PDE3A: variants seen among roughly 807,000 people sequenced by gnomAD.
PDE3A encodes phosphodiesterase 3A, also known as cGMP-inhibited 3',5'-cyclic phosphodiesterase 3A.
Under a neutral mutation model 98.3 loss-of-function variants are expected in PDE3A, and 43 were observed. The ratio of observed to expected loss-of-function variants is 0.44; its 90% CI spans 0.34 to 0.56. The LOEUF (loss-of-function observed/expected upper bound fraction) is 0.56. PDE3A is among the 20% of genes least tolerant of loss of function. The probability of loss-of-function intolerance (pLI) is 0.01; values close to 1 mark genes in which losing one functional copy is unlikely to be tolerated. For missense variants in PDE3A, 1,427 were observed against 1,440.7 expected (o/e 0.99, Z 0.15); for synonymous variants, 663 against 567.9 (o/e 1.17, Z -2.38).
intron 2 of PDE3A, among the ~76,000 whole-genome samples, chr12:20,612,182 AT>A (rs1408549454): frequency 4.0e-5 from 6 of 151,860 alleles, no homozygotes; most frequent in African/African-American, 1.4e-4. Flanking sequence ...TGTTTTGCCA[AT>A]TTTGTAAATG....
At chr12:20,510,415 T>C (rs959039795) in intron 1 of PDE3A, among the ~76,000 whole-genome samples, 2 of 151,896 alleles carry the variant, frequency 1.3e-5, no homozygotes, top group African/African-American at 4.8e-5. Flanking sequence ...GATAGTACAG[T>C]AGAGAAATGG....
chr12:20,626,074 C>T (rs78587465), intron 5 of PDE3A, among the ~76,000 whole-genome samples: 2,114 of 151,778 alleles, frequency 0.014, 74 homozygotes, highest in African/African-American at 0.048. Flanking sequence ...ATGAGATTTT[C>T]AAAGGTTTTA....
intron 1 of PDE3A, among the ~76,000 whole-genome samples, chr12:20,481,983 C>A (rs1945638575): frequency 6.6e-6 from 1 of 151,790 alleles, no homozygotes. Context: ...CCAGGATGGT[C>A]TCGATCTCCT....
Position 20,434,503 on chromosome 12 carries a change from T to C in PDE3A, c.960+64259T>C, listed in dbSNP as rs77119869. Among the ~76,000 whole-genome samples, 611 of 152,278 alleles carry C rather than the reference T, an allele frequency of 4.0e-3. 7 individuals are homozygous for C. Among genetic ancestry groups the C allele is most frequent in the African/African-American group, 0.013 (559 of 41,554 alleles). On this transcript the variant is annotated intron_variant, in intron 1 of 15. Transcript: ENST00000359062. ...TAGTAACTCCTAGACCTGGTAAGGATCAGGACCAGGCAGGTGTGAGGACTA... is the reference window on the plus strand; with the variant it reads ...TAGTAACTCCTAGACCTGGTAAGGACCAGGACCAGGCAGGTGTGAGGACTA...
chr12:20,641,966 A>G (rs936435103), intron 10 of PDE3A, among the ~76,000 whole-genome samples: 12 of 152,182 alleles, frequency 7.9e-5, no homozygotes, highest in African/African-American at 2.9e-4. Context: ...ATGTGCTGAG[A>G]TTGTAAATTA....
intron 2 of PDE3A, among the ~76,000 whole-genome samples, chr12:20,584,088 G>A (rs1209428039): frequency 6.6e-6 from 1 of 152,188 alleles, no homozygotes; most frequent in Non-Finnish European, 1.5e-5. Context: ...AGAATCCAGA[G>A]AAAGACTGGT....
intron 1 of PDE3A, among the ~76,000 whole-genome samples, chr12:20,482,428 A>T (rs1161929990): frequency 6.6e-6 from 1 of 151,940 alleles, no homozygotes; most frequent in Admixed American, 6.6e-5. Context: ...GAAAGAAAAA[A>T]ATCATGTTCA....
intron 1 of PDE3A, among the ~76,000 whole-genome samples, chr12:20,445,956 C>T (rs1944946124): frequency 6.6e-6 from 1 of 152,120 alleles, no homozygotes; most frequent in African/African-American, 2.4e-5. Flanking sequence ...TTCCTTTCAC[C>T]TCAGAGCCGT....
chr12:20,638,823 C>T (rs988010530), intron 9 of PDE3A, among the ~76,000 whole-genome samples: 8 of 151,642 alleles, frequency 5.3e-5, no homozygotes, highest in African/African-American at 1.9e-4. Context: ...CACAGACTCT[C>T]GAAAACTTAA....
At chr12:20,515,027 G>T (rs1055424855) in intron 1 of PDE3A, among the ~76,000 whole-genome samples, 2 of 152,252 alleles carry the variant, frequency 1.3e-5, no homozygotes, top group African/African-American at 2.4e-5. Flanking sequence ...ATGGCAGAAG[G>T]GCAAAGAAAG....
chr12:20,583,459 A>T (rs958712851), intron 2 of PDE3A, among the ~76,000 whole-genome samples: 2 of 152,088 alleles, frequency 1.3e-5, no homozygotes, highest in Admixed American at 6.5e-5. Flanking sequence ...AAGGGTTTTG[A>T]TAAGAATAGC....
intron 15 of PDE3A, among the ~76,000 whole-genome samples, chr12:20,665,959 C>CTTTTTT (rs35859257): frequency 1.2e-3 from 112 of 94,958 alleles, no homozygotes; most frequent in Non-Finnish European, 1.5e-3. Flanking sequence ...TTTGTCATTT[C>CTTTTTT]TTTTTTTTTT....
In PDE3A at chr12:20,370,082, T is replaced by C. The variant is rs1565527252; in HGVS notation, c.798T>C (p.Ala266=). The C allele has an allele frequency of 9.3e-6, 15 of 1,613,060 alleles. No homozygotes were observed. The East Asian group carries it at 3.3e-4, about 36-fold the overall frequency. Residue 266 remains alanine, a synonymous_variant, in exon 1 of 16, where the codon GCT becomes GCC. Transcript: ENST00000359062. ...TCTTGCCGCAGTCCGCGGAGGCGGCTCCAAGGGAGCATTTGGGGTCCCAGC... is the reference window on the plus strand; with the variant it reads ...TCTTGCCGCAGTCCGCGGAGGCGGCCCCAAGGGAGCATTTGGGGTCCCAGC... ...EQILPQSAEA[A]PREHLGSQLI... is the part of the protein sequence containing the mutation.
intron 1 of PDE3A, among the ~76,000 whole-genome samples, chr12:20,508,442 A>G (rs1314961694): frequency 1.3e-5 from 2 of 150,714 alleles, no homozygotes; most frequent in Non-Finnish European, 3.0e-5. Context: ...TTGTCCTCTG[A>G]TATTTCCCAA....
intron 1 of PDE3A, among the ~76,000 whole-genome samples, chr12:20,392,315 CA>C (rs886627512): frequency 2.6e-5 from 4 of 151,980 alleles, no homozygotes; most frequent in African/African-American, 9.6e-5. Flanking sequence ...AAAAACACTA[CA>C]TAAATATTAA....
At chr12:20,615,041 A>AGAC (rs1195984744) in intron 3 of PDE3A, among the ~76,000 whole-genome samples, 29 of 43,134 alleles carry the variant, frequency 6.7e-4, no homozygotes, top group Admixed American at 1.1e-3. Context: ...TTTTTTTTTG[A>AGAC]GACGGAGTCT....
chr12:20,564,057 G>A (rs1294385674), intron 2 of PDE3A, among the ~76,000 whole-genome samples: 1 of 152,120 alleles, frequency 6.6e-6, no homozygotes, highest in African/African-American at 2.4e-5. Context: ...AATGTCCACA[G>A]CACACACAGT....
rs574360645 is a variant in PDE3A at position 20,382,631 on chromosome 12, C to A, written c.960+12387C>A. On this transcript the variant is annotated intron_variant, in intron 1 of 15. Coordinates refer to ENST00000359062, the MANE Select transcript of PDE3A (RefSeq NM_000921.5). ...GTTAAATAGAAAGAATATATGCACT[C>A]TCTAGACTGTCACAGACCAAAGCTT... is the stretch of plus-strand genomic sequence containing the variant. Among the ~76,000 whole-genome samples the A allele has an allele frequency of 1.8e-4, 28 of 152,034 alleles. 1 individual carries two copies. The highest frequency in any genetic ancestry group is 6.7e-4 in the African/African-American group (28 of 41,506).
intron 8 of PDE3A, among the ~76,000 whole-genome samples, chr12:20,636,013 A>G (rs1051547599): frequency 7.9e-5 from 12 of 152,164 alleles, no homozygotes; most frequent in African/African-American, 2.9e-4. Context: ...CCTTAAAACA[A>G]TATTTTATAA....
Sources: allele counts gnomAD v4.1 joint callset (sites outside exome capture counted in the v4.1 genomes callset), GRCh38; gene constraint gnomAD v4.1.1; transcripts MANE v1.5; gene names NCBI Gene and HGNC (gene_info 2026-07-23, HGNC 2026-07-21).